The following CDKN2A variants were observed in gnomAD, a reference collection of about 807,000 sequenced individuals.
The protein encoded by CDKN2A is cyclin-dependent kinase inhibitor 2A.
A neutral mutation model predicts 11.1 loss-of-function variants in CDKN2A; 3 were observed. That is an observed-to-expected ratio of 0.27 (90% CI 0.12 to 0.70). The LOEUF (loss-of-function observed/expected upper bound fraction) is 0.70, where lower values mean the gene tolerates loss of function less well. Ranked by LOEUF, CDKN2A falls within the 30% of genes least tolerant of loss-of-function variation. The probability of loss-of-function intolerance (pLI) is 0.77; values close to 1 mark genes in which losing one functional copy is unlikely to be tolerated. For missense variants in CDKN2A, 265 were observed against 233.6 expected (o/e 1.13, Z -0.88); for synonymous variants, 122 against 108.1 (o/e 1.13, Z -0.80).
At chr9:21,989,477 C>G (rs1308886856) in intron 2 of CDKN2A, 1 of 152,144 alleles carries the variant, frequency 6.6e-6, no homozygotes, top group Non-Finnish European at 1.5e-5. Context: ...ACGGGCCACT[C>G]TCTATACCAT....
Position 21,971,143 on chromosome 9 carries a change from G to A in CDKN2A, c.216C>T (p.Cys72=), listed in dbSNP as rs1563889729. ...LLLLHGAEPN[C]ADPATLTRPV... ...GTCGGGTGAGAGTGGCGGGGTCGGCGCAGTTGGGCTCCGCGCCGTGGAGCA... is the reference window on the plus strand; with the variant it reads ...GTCGGGTGAGAGTGGCGGGGTCGGCACAGTTGGGCTCCGCGCCGTGGAGCA... Residue 72 remains cysteine (C), a synonymous_variant, in exon 2 of 3, where the codon TGC becomes TGT. Transcript: ENST00000304494. 1 of 1,593,660 alleles carries A rather than the reference G, an allele frequency of 6.3e-7. No individual in the cohort carries two copies. The highest frequency in any genetic ancestry group is 2.3e-5 in the East Asian group (1 of 44,338).
rs577994013 is a variant in CDKN2A, at chr9:21,970,281, A to AGAGGGCCTCTGTCTGCCATAGAGTGCT, written c.457+620_457+621insAGCACTCTATGGCAGACAGAGGCCCTC. ...CTTGCACAAGTTTAAGAGGGAAAGG[A>AGAGGGCCTCTGTCTGCCATAGAGTGCT]GCCAACTCCGGTGCACAGACTGCCA... On this transcript the variant is annotated intron_variant, in intron 2 of 2. Coordinates refer to ENST00000304494, the MANE Select transcript of CDKN2A (RefSeq NM_000077.5). 418 of 238,714 alleles carry AGAGGGCCTCTGTCTGCCATAGAGTGCT rather than the reference A, an allele frequency of 1.8e-3. 1 individual carries two copies. Among genetic ancestry groups the AGAGGGCCTCTGTCTGCCATAGAGTGCT allele is most frequent in the African/African-American group, 8.4e-3 (385 of 45,602 alleles). The allele number at this position is 238,714 out of a possible 1,614,324, so 14.8% of individuals were successfully genotyped here. A position where few individuals can be genotyped will look rare whatever the true frequency, so the allele number is the denominator to read the frequency against.
At position 21,968,305 on chromosome 9, in the gene CDKN2A, CG is replaced by C; in HGVS notation, c.458-64del. ...GAGGTCAAAGATGTGTGGCACATCC[CG>C]CCCTCCTCTCTTGCCGTCCCTACCG... On this transcript the variant is annotated intron_variant, in intron 2 of 2. Coordinates refer to ENST00000304494, the MANE Select transcript of CDKN2A (RefSeq NM_000077.5). This position sits in a 1 kb window ranked among gnomAD's most constrained non-coding sequence, Gnocchi z 4.7. 1.3e-6 allele frequency: 2 copies of C among 1,584,842 alleles called. No homozygotes were observed. Among genetic ancestry groups the C allele is most frequent in the Non-Finnish European group, 1.7e-6 (2 of 1,154,200 alleles).
In CDKN2A at chr9:21,974,844, C is replaced by G. The variant is rs751542011; in HGVS notation, c.-17G>C. 7 of 1,561,454 alleles carry G rather than the reference C, an allele frequency of 4.5e-6. No homozygotes were observed. The Admixed American group carries it at 5.6e-5, about 12-fold the overall frequency. On this transcript the variant is annotated 5_prime_UTR_variant, in exon 1 of 3. Coordinates refer to ENST00000304494, the MANE Select transcript of CDKN2A (RefSeq NM_000077.5). The surrounding 1 kb of genome is among the most constrained non-coding windows in gnomAD (Gnocchi z 5.2). ...CGGCTCCATGCTGCTCCCCGCCGCCCGCTGCCTGCTCTCCCCCTCTCCGCA... is the reference window on the plus strand; with the variant it reads ...CGGCTCCATGCTGCTCCCCGCCGCCGGCTGCCTGCTCTCCCCCTCTCCGCA...
At chr9:21,969,112 C>G (rs186068272) in intron 2 of CDKN2A, among the ~76,000 whole-genome samples, 1 of 152,194 alleles carries the variant, frequency 6.6e-6, no homozygotes, top group Non-Finnish European at 1.5e-5. Context: ...TCTTCCTTAA[C>G]GTCTGTTTCC....
At chr9:21,980,280 T>C (rs1250472646) in intron 2 of CDKN2A, among the ~76,000 whole-genome samples, 3 of 152,214 alleles carry the variant, frequency 2.0e-5, no homozygotes, top group Non-Finnish European at 4.4e-5. Context: ...ATATTAACAT[T>C]ATTATTAAAG....
chr9:21,967,963 C>T lies in CDKN2A; in HGVS notation c.*266G>A, dbSNP rs1819491196. ...GGGCGTGAGTGCTCACTCCAGAAAA[C>T]TCCAACACAGTGAAAAGGCAGAAGC... On this transcript the variant is annotated 3_prime_UTR_variant, in exon 3 of 3. Transcript: ENST00000304494. 3 of 503,138 alleles carry T rather than the reference C, an allele frequency of 6.0e-6. No individual in the cohort carries two copies. The South Asian group carries it at 7.9e-5, about 13-fold the overall frequency. 31.2% of individuals were successfully genotyped at this position (503,138 alleles called of 1,614,324 possible). A position where few individuals can be genotyped will look rare whatever the true frequency, so the allele number is the denominator to read the frequency against.
rs572226187 is a variant in CDKN2A at position 21,985,196 on chromosome 9, A to T, written c.-4+8686T>A. Among the ~76,000 whole-genome samples the T allele has an allele frequency of 2.6e-5, 4 of 151,904 alleles. No individual in the cohort carries two copies. The South Asian group carries it at 8.3e-4, about 31-fold the overall frequency. On this transcript the variant is annotated intron_variant, in intron 2 of 3. Coordinates refer to the CDKN2A transcript ENST00000494262. ...GTTAAGATGATAACTTCCATAATTA[A>T]TTTTTCAAAAAGGCAATGATAACAG...
chr9:21,971,381 T>C (rs1487892198), intron 1 of CDKN2A, 173 bp from the exon 2 acceptor site: 3 of 1,472,002 alleles, frequency 2.0e-6, no homozygotes, highest in Non-Finnish European at 2.7e-6. Context: ...CTATCCATTC[T>C]TCAGTACACA....
chr9:21,990,566 T>C (rs1820404209), intron 2 of CDKN2A, among the ~76,000 whole-genome samples: 2 of 139,362 alleles, frequency 1.4e-5, no homozygotes, highest in Non-Finnish European at 3.0e-5. Context: ...ACCAAACTTT[T>C]TCCCAACCCC....
intron 2 of CDKN2A, among the ~76,000 whole-genome samples, chr9:21,987,585 T>C (rs3731204): frequency 0.11 from 17,141 of 152,194 alleles, 1,114 homozygotes; most frequent in Middle Eastern, 0.14. Flanking sequence ...TATCTTGTTA[T>C]ATTTTTTTCT....
chr9:21,983,702 G>A (rs1820244236), intron 2 of CDKN2A, among the ~76,000 whole-genome samples: 1 of 152,058 alleles, frequency 6.6e-6, no homozygotes, highest in Non-Finnish European at 1.5e-5. Context: ...ATAAATGTTT[G>A]CTGTAGCTGT....
At position 21,974,801 on chromosome 9, in the gene CDKN2A, C is replaced by T. The variant is rs1587340400; in HGVS notation, c.27G>A (p.Met9Ile). 2 of 1,604,608 alleles carry T rather than the reference C, an allele frequency of 1.2e-6. No homozygotes were observed. The highest frequency in any genetic ancestry group is 1.7e-6 in the Non-Finnish European group (2 of 1,178,364). The change falls in exon 1 of 3, where the codon ATG (methionine) becomes ATA (isoleucine). Residue 9 changes from methionine to isoleucine, a missense_variant. Met to Ile is a conservative substitution (Grantham distance 10). Coordinates refer to ENST00000304494, the MANE Select transcript of CDKN2A (RefSeq NM_000077.5). This position sits in a 1 kb window ranked among gnomAD's most constrained non-coding sequence, Gnocchi z 5.2. The stretch of plus-strand genomic sequence containing the variant: ...TGGCCAGCCAGTCAGCCGAAGGCTC[C>T]ATGCTGCTCCCCGCCGCCGGCTCCA... MEPAAGSS[M>I]EPSADWLATA...
intron 2 of CDKN2A, among the ~76,000 whole-genome samples, chr9:21,984,558 T>C (rs1028875914): frequency 6.6e-6 from 1 of 152,080 alleles, no homozygotes; most frequent in Non-Finnish European, 1.5e-5. Flanking sequence ...CAAGCATATA[T>C]AATATCTCAT....
In CDKN2A at chr9:21,968,187, G is replaced by T. The variant is rs375246626; in HGVS notation, c.*42C>A. 3.3e-5 allele frequency: 53 copies of T among 1,594,968 alleles called. 1 individual carries two copies. The highest frequency in any genetic ancestry group is 4.0e-5 in the Non-Finnish European group (47 of 1,162,910). On this transcript the variant is annotated 3_prime_UTR_variant, in exon 3 of 3. Coordinates refer to ENST00000304494, the MANE Select transcript of CDKN2A (RefSeq NM_000077.5). The surrounding 1 kb of genome is among the most constrained non-coding windows in gnomAD (Gnocchi z 4.7). Reference sequence around the variant, plus strand: ...CCCTGTAGGACCTTCGGTGACTGATGATCTAAGTTTCCCGAGGTTTCTCAG... The same window carrying T: ...CCCTGTAGGACCTTCGGTGACTGATTATCTAAGTTTCCCGAGGTTTCTCAG...
rs1554659193 is a variant in CDKN2A, at chr9:21,994,199, G to T, written c.-175-146C>A. 1 of 1,606,554 alleles carries T rather than the reference G, an allele frequency of 6.2e-7. No individual in the cohort carries two copies. The highest frequency in any genetic ancestry group is 8.5e-7 in the Non-Finnish European group (1 of 1,179,838). ...TGGCTCCTCAGTAGCATCAGCACGA[G>T]GGCCACAGCGGCGGGCGCCCCTGGC... is the stretch of plus-strand genomic sequence containing the variant. On this transcript the variant is annotated intron_variant, in intron 1 of 3. Coordinates refer to the CDKN2A transcript ENST00000494262.
chr9:21,973,125 TG>T (rs1819855509), intron 1 of CDKN2A, among the ~76,000 whole-genome samples: 1 of 152,226 alleles, frequency 6.6e-6, no homozygotes, highest in African/African-American at 2.4e-5. Context: ...TCCTTCGTCT[TG>T]GTCATAAAAC....
intron 2 of CDKN2A, chr9:21,992,618 T>TA (rs894370260): frequency 4.5e-6 from 1 of 224,592 alleles, no homozygotes; most frequent in African/African-American, 2.3e-5. Context: ...AGGCCTAAAC[T>TA]AAAAAATACA....
chr9:21,970,684 T>G, intron 2 of CDKN2A: 1 of 639,558 alleles, frequency 1.6e-6, no homozygotes, highest in Non-Finnish European at 2.8e-6. Context: ...ATGTACAAAA[T>G]GGGCTTTCAC....
Sources: gnomAD v4.1 joint callset for allele counts (sites outside exome capture counted in the v4.1 genomes callset) on GRCh38, gnomAD v4.1.1 for gene constraint, Gnocchi (gnomAD v3.1) non-coding constraint, MANE v1.5 for transcripts, NCBI Gene and HGNC (gene_info 2026-07-23, HGNC 2026-07-21) for gene names.